Variants in SYNE1 observed in about 807,000 individuals in gnomAD.
The protein encoded by SYNE1 is spectrin repeat containing nuclear envelope protein 1.
A neutral mutation model predicts 1,111.0 loss-of-function variants in SYNE1; 616 were observed. The ratio of observed to expected loss-of-function variants is 0.55; its 90% CI spans 0.52 to 0.59. The LOEUF (loss-of-function observed/expected upper bound fraction) is 0.59. Ranked by LOEUF, SYNE1 falls within the 20% of genes least tolerant of loss-of-function variation. SYNE1 has a pLI of 0.00. For synonymous variants in SYNE1, 3,855 were observed against 3,825.8 expected (o/e 1.01, Z -0.28); for missense variants, 10,006 against 10,417.0 (o/e 0.96, Z 1.72).
chr6:152,621,683 C>A (rs1420618691), intron 3 of SYNE1, among the ~76,000 whole-genome samples: 1 of 151,736 alleles, frequency 6.6e-6, no homozygotes, highest in Non-Finnish European at 1.5e-5. Flanking sequence ...CTCCATGAAG[C>A]GCGATGGATG....
intron 135 of SYNE1, among the ~76,000 whole-genome samples, chr6:152,150,622 T>A (rs2060245321): frequency 6.6e-6 from 1 of 152,196 alleles, no homozygotes; most frequent in African/African-American, 2.4e-5. Flanking sequence ...AATCCATCTA[T>A]CTTGGGAGGA....
chr6:152,567,147 G>A (rs1044798121), intron 3 of SYNE1, among the ~76,000 whole-genome samples: 4 of 151,930 alleles, frequency 2.6e-5, no homozygotes, highest in Non-Finnish European at 5.9e-5. Flanking sequence ...TAGATTTACT[G>A]TTTAAGTGTC....
At chr6:152,352,479 T>C in intron 69 of SYNE1, 126 bp from the exon 70 acceptor site, 1 of 986,790 alleles carries the variant, frequency 1.0e-6, no homozygotes, top group Non-Finnish European at 1.5e-6. Flanking sequence ...CTTGGCTCAC[T>C]GCAACTTCCG....
chr6:152,591,410 A>T (rs2099564587), intron 3 of SYNE1, among the ~76,000 whole-genome samples: 1 of 152,222 alleles, frequency 6.6e-6, no homozygotes, highest in Admixed American at 6.5e-5. Flanking sequence ...GCAATGGGAA[A>T]AGGACTTCCT....
intron 3 of SYNE1, among the ~76,000 whole-genome samples, chr6:152,617,852 A>G (rs1054092187): frequency 6.6e-6 from 1 of 152,232 alleles, no homozygotes; most frequent in African/African-American, 2.4e-5. Context: ...GGCAAAAGGT[A>G]AAAAGAACAT....
chr6:152,233,678 G>T, intron 112 of SYNE1, 103 bp downstream of exon 112: 1 of 1,417,536 alleles, frequency 7.1e-7, no homozygotes, highest in Non-Finnish European at 9.7e-7. Context: ...CAGGTGTCTG[G>T]GACAAAGCTG....
intron 107 of SYNE1, 134 bp from the exon 108 acceptor site, chr6:152,239,840 C>A (rs529698952): frequency 2.2e-6 from 2 of 928,762 alleles, no homozygotes; most frequent in Admixed American, 4.0e-5. Context: ...GGGTGGATTA[C>A]CTGAGGTCAA....
chr6:152,274,749 A>G (rs2093468445), intron 98 of SYNE1, among the ~76,000 whole-genome samples: 1 of 152,062 alleles, frequency 6.6e-6, no homozygotes, highest in African/African-American at 2.4e-5. Flanking sequence ...GGTTCCCACC[A>G]CCACACCTGG....
intron 45 of SYNE1, among the ~76,000 whole-genome samples, chr6:152,406,499 C>G (rs1451404112): frequency 2.0e-5 from 3 of 149,626 alleles, no homozygotes; most frequent in Admixed American, 6.6e-5. Flanking sequence ...AAAAAAAACC[C>G]TTTTATTCAT....
At chr6:152,352,472 G>T in intron 69 of SYNE1, 119 bp from the exon 70 acceptor site, 1 of 1,065,634 alleles carries the variant, frequency 9.4e-7, no homozygotes, top group African/African-American at 1.6e-5. Flanking sequence ...GCACAATCTT[G>T]GCTCACTGCA....
chr6:152,505,699 A>C (rs551465593), intron 8 of SYNE1, among the ~76,000 whole-genome samples: 30 of 152,366 alleles, frequency 2.0e-4, no homozygotes. Flanking sequence ...CCGCTCTACC[A>C]GCTGAGCTAT....
intron 104 of SYNE1, among the ~76,000 whole-genome samples, chr6:152,253,404 C>T (rs1336007280): frequency 6.6e-6 from 1 of 152,124 alleles, no homozygotes; most frequent in African/African-American, 2.4e-5. Flanking sequence ...ATTTTAAACA[C>T]ATCTCAACTC....
At chr6:152,276,045 T>C (rs1223440943) in intron 98 of SYNE1, among the ~76,000 whole-genome samples, 6 of 147,230 alleles carry the variant, frequency 4.1e-5, no homozygotes, top group Admixed American at 3.4e-4. Context: ...TTTTTTTTTT[T>C]TTTTTTTGAG....
rs139640215 is a variant in SYNE1 at position 152,252,099 on chromosome 6, C to T, written c.19470+2781G>A. Among the ~76,000 whole-genome samples the T allele has an allele frequency of 1.1e-3, 171 of 152,058 alleles. 5 individuals carry two copies. In the East Asian group the frequency reaches 0.031, roughly 28 times the overall value. On this transcript the variant is annotated intron_variant, in intron 104 of 145. Coordinates refer to ENST00000367255, the MANE Select transcript of SYNE1 (RefSeq NM_182961.4). ...AGCTTGGCCAACATACAGTGAAAGC[C>T]CATCTCTACTTAAAAATACAAAAAT... is the stretch of plus-strand genomic sequence containing the variant.
intron 113 of SYNE1, 25 bp from the exon 114 acceptor site, chr6:152,231,592 G>C (rs774183893): frequency 8.7e-6 from 14 of 1,609,570 alleles, no homozygotes; most frequent in Non-Finnish European, 1.2e-5. Flanking sequence ...GAGAAAATAA[G>C]ATTATACAAT....
intron 127 of SYNE1, among the ~76,000 whole-genome samples, chr6:152,196,550 G>T (rs1448466479): frequency 6.6e-6 from 1 of 151,984 alleles, no homozygotes; most frequent in African/African-American, 2.4e-5. Flanking sequence ...TTCTCTTCTG[G>T]CCAAGGGTGT....
intron 3 of SYNE1, among the ~76,000 whole-genome samples, chr6:152,594,081 G>T (rs561103487): frequency 6.6e-6 from 1 of 152,236 alleles, no homozygotes; most frequent in East Asian, 1.9e-4. Flanking sequence ...TTCTGGAAAG[G>T]CTTCAGTAGC....
At chr6:152,376,613 A>G (rs2097286134) in intron 57 of SYNE1, 55 bp from the exon 58 acceptor site, 2 of 1,602,130 alleles carry the variant, frequency 1.2e-6, no homozygotes. Flanking sequence ...AGTTGATGAA[A>G]ATCATGTTTG....
chr6:152,629,557 G>GGGGGGGGGGGGT (rs2099694203), intron 2 of SYNE1, among the ~76,000 whole-genome samples: 1 of 125,700 alleles, frequency 8.0e-6, no homozygotes, highest in Non-Finnish European at 1.7e-5. Context: ...GGAGGAGGGG[G>GGGGGGGGGGGGT]TGCAGTGGGC....
Sources: gnomAD v4.1 joint callset for allele counts (sites outside exome capture counted in the v4.1 genomes callset) on GRCh38, gnomAD v4.1.1 for gene constraint, MANE v1.5 for transcripts, NCBI Gene and HGNC (gene_info 2026-07-23, HGNC 2026-07-21) for gene names.